UBE2C: variants seen among roughly 807,000 people sequenced by gnomAD.
UBE2C encodes ubiquitin-conjugating enzyme E2 C.
UBE2C carries 16 observed loss-of-function variants against 23.5 expected under a neutral mutation model. The ratio of observed to expected loss-of-function variants is 0.68; its 90% CI spans 0.46 to 1.03. The LOEUF is 1.03. Ranked by LOEUF, UBE2C falls within the 50% of genes least tolerant of loss-of-function variation. The pLI is 0.00. For missense variants in UBE2C, 192 were observed against 227.6 expected (o/e 0.84, Z 1.01); for synonymous variants, 76 against 91.6 (o/e 0.83, Z 0.97).
In UBE2C at chr20:45,816,891, T is replaced by C. The variant is rs937533390; in HGVS notation, c.*124T>C. The C allele has an allele frequency of 1.4e-4, 116 of 836,694 alleles. No individual in the cohort carries two copies. Among genetic ancestry groups the C allele is most frequent in the Non-Finnish European group, 1.8e-4 (102 of 551,632 alleles). 51.8% of individuals were successfully genotyped at this position (836,694 alleles called of 1,614,324 possible). On this transcript the variant is annotated 3_prime_UTR_variant, in exon 6 of 6. Transcript: ENST00000356455. ...GTGGTATTTTTGTTTTGTTTTTGTC[T>C]TTTAAATTAAGCCTCGGTTGAGCCC...
intron 1 of UBE2C, 96 bp downstream of exon 1, chr20:45,812,892 C>A: frequency 6.9e-7 from 1 of 1,453,832 alleles, no homozygotes; most frequent in Admixed American, 2.5e-5. Flanking sequence ...CCGCCACCTC[C>A]TGGAGCGGGA....
chr20:45,812,726 A>T lies in UBE2C; in HGVS notation c.31A>T (p.Thr11Ser), dbSNP rs1202446446. The change falls in exon 1 of 6, where the codon ACT becomes TCT. Residue 11 changes from threonine (T) to serine (S), a missense_variant. By Grantham distance (58) the Thr-to-Ser change is moderately conservative (BLOSUM62 1). Transcript: ENST00000356455. MASQNRDPAA[T>S]SVAAARKGAE... ...TTCCCAAAACCGCGACCCAGCCGCC[A>T]CTAGCGTCGCCGCCGCCCGTAAAGG... 21 of 1,553,424 alleles carry T rather than the reference A, an allele frequency of 1.4e-5. No individual in the cohort carries two copies. The highest frequency in any genetic ancestry group is 1.7e-5 in the Non-Finnish European group (20 of 1,148,430).
At chr20:45,813,381 G>C in intron 1 of UBE2C, 56 bp from the exon 2 acceptor site, 2 of 1,613,854 alleles carry the variant, frequency 1.2e-6, no homozygotes, top group Non-Finnish European at 1.7e-6. Flanking sequence ...AAGATGCACC[G>C]TCTGGAGGCC....
intron 2 of UBE2C, 90 bp from the exon 3 acceptor site, chr20:45,814,294 A>G (rs1982268072): frequency 2.4e-6 from 1 of 415,028 alleles, no homozygotes; most frequent in Non-Finnish European, 3.9e-6. Flanking sequence ...ATATATATAT[A>G]TATATAAAAT....
rs1982124460 is a variant in UBE2C at position 45,813,446 on chromosome 20, G to A, written c.111G>A (p.Gln37=). 2.5e-6 allele frequency: 4 copies of A among 1,614,056 alleles called. No homozygotes were observed. Among genetic ancestry groups the A allele is most frequent in the South Asian group, 2.2e-5 (2 of 91,086 alleles). Residue 37 remains glutamine (Q), a synonymous_variant, in exon 2 of 6, where the codon CAG becomes CAA. Transcript: ENST00000356455. ...ARGPVGKRLQ[Q]ELMTLMMSGD... ...AATACTCTTTTTTCAGGCTACAGCAGGAGCTGATGACCCTCATGGTGAGTG... is the reference window on the plus strand; with the variant it reads ...AATACTCTTTTTTCAGGCTACAGCAAGAGCTGATGACCCTCATGGTGAGTG...
In UBE2C at chr20:45,812,731, C is replaced by G. The variant is rs1222721494; in HGVS notation, c.36C>G (p.Ser12Arg). The G allele has an allele frequency of 1.9e-6, 3 of 1,554,006 alleles. No individual in the cohort carries two copies. The change falls in exon 1 of 6, where the codon AGC becomes AGG. Residue 12 changes from serine (S) to arginine (R), a missense_variant. Ser to Arg is a moderately radical substitution (Grantham distance 110). Coordinates refer to ENST00000356455, the MANE Select transcript of UBE2C (RefSeq NM_007019.4). ...AAAACCGCGACCCAGCCGCCACTAGCGTCGCCGCCGCCCGTAAAGGAGCTG... is the reference window on the plus strand; with the variant it reads ...AAAACCGCGACCCAGCCGCCACTAGGGTCGCCGCCGCCCGTAAAGGAGCTG... ...ASQNRDPAAT[S>R]VAAARKGAEP...
intron 2 of UBE2C, among the ~76,000 whole-genome samples, chr20:45,814,036 CAG>C (rs1439364883): frequency 6.6e-6 from 1 of 151,628 alleles, no homozygotes; most frequent in Non-Finnish European, 1.5e-5. Flanking sequence ...ACCGTGGAGA[CAG>C]AGGTTGCGGT....
intron 4 of UBE2C, 21 bp downstream of exon 4, chr20:45,815,766 T>TC: frequency 6.2e-7 from 1 of 1,611,694 alleles, no homozygotes; most frequent in East Asian, 2.2e-5. Context: ...AGACCACCCC[T>TC]CCCCTCCATG....
chr20:45,815,344 C>A, intron 3 of UBE2C, 197 bp from the exon 4 acceptor site: 2 of 1,547,804 alleles, frequency 1.3e-6, no homozygotes, highest in Non-Finnish European at 1.7e-6. Flanking sequence ...CATGGTGAAA[C>A]CCTGTCTCTA....
Position 45,816,871 on chromosome 20 carries a change from AT to A in UBE2C, c.*109del. On this transcript the variant is annotated 3_prime_UTR_variant, in exon 6 of 6. Transcript: ENST00000356455. ...AGGACTCTTTATCTTGAGCTGTGGT[AT>A]TTTTGTTTTGTTTTTGTCTTTTAAA... 1 of 1,014,498 alleles carries A rather than the reference AT, an allele frequency of 9.9e-7. No homozygotes were observed. Among genetic ancestry groups the A allele is most frequent in the Non-Finnish European group, 1.4e-6 (1 of 699,480 alleles). 62.8% of individuals were successfully genotyped at this position (1,014,498 alleles called of 1,614,324 possible).
At chr20:45,813,207 G>C (rs966483521) in intron 1 of UBE2C, 5 of 1,437,462 alleles carry the variant, frequency 3.5e-6, no homozygotes, top group Non-Finnish European at 2.7e-6. Flanking sequence ...TAAAGCCTGG[G>C]GAATTAAGAA....
intron 3 of UBE2C, 35 bp downstream of exon 3, chr20:45,814,505 G>C (rs758969615): frequency 1.3e-5 from 20 of 1,558,658 alleles, no homozygotes; most frequent in Non-Finnish European, 1.6e-5. Flanking sequence ...AGTGAGTCTG[G>C]GGAAAGGTGG....
rs756640882 is a variant in UBE2C at position 45,815,585 on chromosome 20, T to C, written c.261T>C (p.Ser87=). Residue 87 remains serine (S), a synonymous_variant, in exon 4 of 6, where the codon AGT becomes AGC. Transcript: ENST00000356455. The stretch of plus-strand genomic sequence containing the variant: ...ATAAGCTCTCGCTAGAGTTCCCCAG[T>C]GGCTACCCTTACAATGCGCCCACAG... ...LRYKLSLEFP[S]GYPYNAPTVK... The C allele has an allele frequency of 6.2e-7, 1 of 1,614,096 alleles. No individual in the cohort carries two copies. Among genetic ancestry groups the C allele is most frequent in the African/African-American group, 1.3e-5 (1 of 75,030 alleles).
Position 45,814,271 on chromosome 20 carries a change from C to CATATATATATATATATAT in UBE2C, c.130-101_130-84dup, listed in dbSNP as rs3080107. The CATATATATATATATATAT allele has an allele frequency of 3.7e-3, 1,447 of 391,206 alleles. 39 individuals carry two copies. Among genetic ancestry groups the CATATATATATATATATAT allele is most frequent in the African/African-American group, 0.018 (709 of 39,686 alleles). 24.2% of individuals were successfully genotyped at this position (391,206 alleles called of 1,614,324 possible). Reference sequence around the variant, plus strand: ...ATATATGTGTGTGTGTGTATGTGAGCATATATATATATATATATATATATA... The same window carrying CATATATATATATATATAT: ...ATATATGTGTGTGTGTGTATGTGAGCATATATATATATATATATATATATATATATATATATATATATA... On this transcript the variant is annotated intron_variant, in intron 2 of 5. Transcript: ENST00000356455.
In UBE2C at chr20:45,816,899, T is replaced by A. The variant is rs1055967943; in HGVS notation, c.*132T>A. On this transcript the variant is annotated 3_prime_UTR_variant, in exon 6 of 6. Coordinates refer to ENST00000356455, the MANE Select transcript of UBE2C (RefSeq NM_007019.4). ...TTTGTTTTGTTTTTGTCTTTTAAATTAAGCCTCGGTTGAGCCCTTGTATAT... is the reference window on the plus strand; with the variant it reads ...TTTGTTTTGTTTTTGTCTTTTAAATAAAGCCTCGGTTGAGCCCTTGTATAT... 2.7e-6 allele frequency: 2 copies of A among 734,648 alleles called. No individual in the cohort carries two copies. The highest frequency in any genetic ancestry group is 4.1e-5 in the South Asian group (2 of 48,232). 45.5% of individuals were successfully genotyped at this position (734,648 alleles called of 1,614,324 possible).
intron 3 of UBE2C, among the ~76,000 whole-genome samples, chr20:45,814,790 A>C (rs372770300): frequency 3.3e-5 from 5 of 152,212 alleles, no homozygotes; most frequent in African/African-American, 1.2e-4. Context: ...CAGAAGTCCA[A>C]ATCTGTGCCA....
In UBE2C at chr20:45,812,692, C is replaced by T. The variant is rs1392037277; in HGVS notation, c.-4C>T. ...GTTCCTGTCTCTCTGCCAACGCCGC[C>T]CGGATGGCTTCCCAAAACCGCGACC... On this transcript the variant is annotated 5_prime_UTR_variant, in exon 1 of 6. Transcript: ENST00000356455. The T allele has an allele frequency of 6.4e-7, 1 of 1,550,970 alleles. No individual in the cohort carries two copies. Among genetic ancestry groups the T allele is most frequent in the Non-Finnish European group, 8.7e-7 (1 of 1,147,076 alleles).
Position 45,815,863 on chromosome 20 carries a change from T to C in UBE2C, c.431T>C (p.Ile144Thr), listed in dbSNP as rs1982493262. Residue 144 changes from isoleucine (I) to threonine (T), a missense_variant, in exon 5 of 6, where the codon ATT (isoleucine) becomes ACT (threonine). Transcript: ENST00000356455. ...SIQSLLGEPN[I>T]DSPLNTHAAE... Reference sequence around the variant, plus strand: ...TTCTCTCCACCCACAGAACCCAACATTGATAGTCCCTTGAACACACATGCT... The same window carrying C: ...TTCTCTCCACCCACAGAACCCAACACTGATAGTCCCTTGAACACACATGCT... The C allele has an allele frequency of 6.2e-7, 1 of 1,613,934 alleles. No individual in the cohort carries two copies.
chr20:45,812,879 C>A, intron 1 of UBE2C, 83 bp downstream of exon 1: 1 of 1,465,876 alleles, frequency 6.8e-7, no homozygotes, highest in Non-Finnish European at 9.0e-7. Context: ...GGACCACCCC[C>A]CGCCGCCACC....
Sources: allele counts gnomAD v4.1 joint callset (sites outside exome capture counted in the v4.1 genomes callset), GRCh38; gene constraint gnomAD v4.1.1; transcripts MANE v1.5; gene names NCBI Gene and HGNC (gene_info 2026-07-23, HGNC 2026-07-21).